The following KLHL18 variants were observed in gnomAD, a reference collection of about 807,000 sequenced individuals.
KLHL18 encodes kelch-like protein 18.
KLHL18 carries 38 observed loss-of-function variants against 58.5 expected under a neutral mutation model. The observed-to-expected ratio is 0.65, with a 90% CI of 0.50 to 0.85. The LOEUF is 0.85. KLHL18 is among the 40% of genes least tolerant of loss of function. The pLI is 0.00. For synonymous variants in KLHL18, 303 were observed against 301.9 expected (o/e 1.00, Z -0.04); for missense variants, 624 against 778.4 (o/e 0.80, Z 2.36).
chr3:47,326,319 A>G (rs1213993307), intron 3 of KLHL18, among the ~76,000 whole-genome samples: 1 of 152,190 alleles, frequency 6.6e-6, no homozygotes, highest in African/African-American at 2.4e-5. Flanking sequence ...GAACCACGTC[A>G]GTAACCTGTT....
rs747248802 is a variant in KLHL18 at position 47,343,963 on chromosome 3, G to A, written c.*22G>A. On this transcript the variant is annotated 3_prime_UTR_variant, in exon 10 of 10. Coordinates refer to ENST00000232766, the MANE Select transcript of KLHL18 (RefSeq NM_025010.5). ...CTAAGGCAGAGGATGGGATGTGGTG[G>A]GGCAGGGATCTGGTACAGACATAGG... The A allele has an allele frequency of 1.2e-6, 2 of 1,609,922 alleles. No individual in the cohort carries two copies. Among genetic ancestry groups the A allele is most frequent in the Non-Finnish European group, 1.7e-6 (2 of 1,179,686 alleles).
At chr3:47,300,287 T>TTATATA (rs1207306389) in intron 1 of KLHL18, among the ~76,000 whole-genome samples, 15,940 of 132,816 alleles carry the variant, frequency 0.12, 964 homozygotes, top group Admixed American at 0.13. Context: ...CACCGGCATT[T>TTATATA]TATATATATA....
At chr3:47,312,200 C>G (rs1368213421) in intron 1 of KLHL18, among the ~76,000 whole-genome samples, 1 of 152,196 alleles carries the variant, frequency 6.6e-6, no homozygotes, top group Non-Finnish European at 1.5e-5. Context: ...ATGTCCTGAT[C>G]TAGCCTCAGC....
chr3:47,340,634 C>T lies in KLHL18; in HGVS notation c.1184C>T (p.Ser395Phe). The change falls in exon 8 of 10, where the codon TCT (serine) becomes TTT (phenylalanine). Residue 395 changes from serine (S) to phenylalanine (F), a missense_variant. Ser to Phe is a radical substitution (Grantham distance 155). Coordinates refer to ENST00000232766, the MANE Select transcript of KLHL18 (RefSeq NM_025010.5). ...IYVCGGYDGN[S>F]SLSSVETYSP... is the part of the protein sequence containing the mutation. ...GTCTGTGGGGGCTACGATGGCAACT[C>T]TTCCCTCAGCTCCGTGGAGACCTAC... 6.2e-7 allele frequency: 1 copy of T among 1,614,068 alleles called. No individual in the cohort carries two copies. The highest frequency in any genetic ancestry group is 1.1e-5 in the South Asian group (1 of 91,072).
chr3:47,295,603 G>T (rs1468085824), intron 1 of KLHL18, among the ~76,000 whole-genome samples: 1 of 150,566 alleles, frequency 6.6e-6, no homozygotes, highest in Non-Finnish European at 1.5e-5. Flanking sequence ...TCAGGGTCTT[G>T]CTCTTGCCCA....
intron 3 of KLHL18, among the ~76,000 whole-genome samples, chr3:47,325,947 T>C (rs950295462): frequency 6.6e-6 from 1 of 151,822 alleles, no homozygotes; most frequent in African/African-American, 2.4e-5. Flanking sequence ...TTTGTATTTT[T>C]ATTTATTTAT....
At chr3:47,340,460 T>A (rs955354492) in intron 7 of KLHL18, 112 bp from the exon 8 acceptor site, 2 of 1,516,600 alleles carry the variant, frequency 1.3e-6, no homozygotes, top group Non-Finnish European at 1.8e-6. Flanking sequence ...GTCACATACC[T>A]TAGATTTACG....
chr3:47,307,544 T>C (rs959986880), intron 1 of KLHL18, among the ~76,000 whole-genome samples: 16 of 151,702 alleles, frequency 1.1e-4, no homozygotes, highest in Admixed American at 2.6e-4. Context: ...TTTTCTTCTT[T>C]TTTTTTTTTT....
chr3:47,285,305 G>T (rs1200656401), intron 1 of KLHL18, among the ~76,000 whole-genome samples: 3 of 152,234 alleles, frequency 2.0e-5, no homozygotes, highest in Non-Finnish European at 4.4e-5. Flanking sequence ...TTACATGGTA[G>T]AAGATGTTAA....
At chr3:47,320,456 A>T (rs1703559579) in intron 2 of KLHL18, among the ~76,000 whole-genome samples, 1 of 152,148 alleles carries the variant, frequency 6.6e-6, no homozygotes, top group Non-Finnish European at 1.5e-5. Context: ...GCTCAAGGAG[A>T]TCAAGCCCAA....
intron 1 of KLHL18, among the ~76,000 whole-genome samples, chr3:47,293,056 C>G (rs1005784851): frequency 1.3e-5 from 2 of 152,062 alleles, no homozygotes; most frequent in African/African-American, 4.8e-5. Flanking sequence ...TGTGATTCCA[C>G]TTATATGAAC....
chr3:47,316,734 T>TGTGTATATATAC (rs1559495908), intron 1 of KLHL18, among the ~76,000 whole-genome samples: 6 of 10,312 alleles, frequency 5.8e-4, no homozygotes, highest in East Asian at 2.0e-3. Flanking sequence ...TGTGTATATA[T>TGTGTATATATAC]ACATATATAC....
At chr3:47,326,742 A>G (rs1185824730) in intron 3 of KLHL18, among the ~76,000 whole-genome samples, 2 of 151,850 alleles carry the variant, frequency 1.3e-5, no homozygotes, top group Non-Finnish European at 2.9e-5. Context: ...AACATAGTGA[A>G]ACCCCATCTC....
At chr3:47,285,639 C>T (rs1702658947) in intron 1 of KLHL18, among the ~76,000 whole-genome samples, 3 of 151,932 alleles carry the variant, frequency 2.0e-5, no homozygotes, top group South Asian at 2.1e-4. Flanking sequence ...GGCGTGGCAG[C>T]GTGGGATGGT....
Position 47,334,631 on chromosome 3 carries a change from G to A in KLHL18, c.762-52G>A, listed in dbSNP as rs200108748. 1,733 of 1,601,392 alleles carry A rather than the reference G, an allele frequency of 1.1e-3. 6 individuals carry two copies. Among genetic ancestry groups the A allele is most frequent in the Non-Finnish European group, 1.0e-3 (1,177 of 1,170,222 alleles). On this transcript the variant is annotated intron_variant, in intron 5 of 9. Transcript: ENST00000232766. This position sits in a 1 kb window ranked among gnomAD's most constrained non-coding sequence, Gnocchi z 4.7. ...GAGCCAGGCTCAGAGATGCAAACGA[G>A]GACTAAGTCAGGGGGATACCTCCTG...
intron 4 of KLHL18, among the ~76,000 whole-genome samples, chr3:47,330,428 T>C (rs1356023775): frequency 6.6e-6 from 1 of 151,924 alleles, no homozygotes; most frequent in Admixed American, 6.6e-5. Flanking sequence ...GCCTCCCGAG[T>C]AGCTGGAACT....
intron 1 of KLHL18, among the ~76,000 whole-genome samples, chr3:47,312,757 C>T (rs1703331954): frequency 6.6e-6 from 1 of 152,192 alleles, no homozygotes; most frequent in Admixed American, 6.5e-5. Context: ...GTTGCCCACG[C>T]TGGCCTCAAA....
chr3:47,284,255 A>T lies in KLHL18; in HGVS notation c.129+1161A>T, dbSNP rs554388571. ...TCTCCTATTTCTCTCTGTCTCTCTC[A>T]CACACACACACACACACAAATAAAT... is the stretch of plus-strand genomic sequence containing the variant. On this transcript the variant is annotated intron_variant, in intron 1 of 9. Coordinates refer to ENST00000232766, the MANE Select transcript of KLHL18 (RefSeq NM_025010.5). 1.2e-3 allele frequency among the ~76,000 whole-genome samples: 183 copies of T among 149,834 alleles called. 1 individual carries two copies. In the South Asian group the frequency reaches 0.015, roughly 12 times the overall value.
chr3:47,315,801 A>G (rs555220468), intron 1 of KLHL18, among the ~76,000 whole-genome samples: 2 of 152,334 alleles, frequency 1.3e-5, no homozygotes, highest in South Asian at 4.1e-4. Context: ...GATAAAGAAG[A>G]AAAAAAGTTG....
Sources: gnomAD v4.1 joint callset for allele counts (sites outside exome capture counted in the v4.1 genomes callset) on GRCh38, gnomAD v4.1.1 for gene constraint, Gnocchi (gnomAD v3.1) non-coding constraint, MANE v1.5 for transcripts, NCBI Gene and HGNC (gene_info 2026-07-23, HGNC 2026-07-21) for gene names.